Variants in TTC17 observed in about 807,000 individuals in gnomAD.
TTC17 encodes the protein tetratricopeptide repeat protein 17.
Under a neutral mutation model 143.8 loss-of-function variants are expected in TTC17, and 58 were observed. The ratio of observed to expected loss-of-function variants is 0.40; its 90% CI spans 0.33 to 0.50. The LOEUF (loss-of-function observed/expected upper bound fraction) is 0.50, where lower values mean the gene tolerates loss of function less well. Ranked by LOEUF, TTC17 falls within the 20% of genes least tolerant of loss-of-function variation. The probability of loss-of-function intolerance (pLI) is 0.49; values close to 1 mark genes in which losing one functional copy is unlikely to be tolerated. For synonymous variants in TTC17, 501 were observed against 497.8 expected (o/e 1.01, Z -0.09); for missense variants, 1,273 against 1,392.5 (o/e 0.91, Z 1.37).
chr11:43,397,538 T>A, intron 7 of TTC17, 47 bp downstream of exon 7: 6 of 377,078 alleles, frequency 1.6e-5, no homozygotes, highest in African/African-American at 7.4e-5. Context: ...TGCCACTTTC[T>A]TTTTTTTTTT....
intron 2 of TTC17, among the ~76,000 whole-genome samples, chr11:43,389,155 T>C (rs546693574): frequency 1.4e-5 from 2 of 141,138 alleles, no homozygotes; most frequent in African/African-American, 5.2e-5. Context: ...AAAAAAAGGG[T>C]GGAGGGGGGA....
At chr11:43,423,078 A>G (rs1227518858) in intron 16 of TTC17, among the ~76,000 whole-genome samples, 3 of 152,210 alleles carry the variant, frequency 2.0e-5, no homozygotes, top group Non-Finnish European at 2.9e-5. Flanking sequence ...AGGATGATAT[A>G]TAAGTAAAGT....
intron 21 of TTC17, among the ~76,000 whole-genome samples, chr11:43,457,911 A>G (rs1250360865): frequency 6.6e-6 from 1 of 152,158 alleles, no homozygotes; most frequent in East Asian, 1.9e-4. Context: ...GAAATGGGCT[A>G]GAATGTTCCA....
At position 43,396,828 on chromosome 11, in the gene TTC17, C is replaced by T. The variant is rs371186257; in HGVS notation, c.773+10C>T. The T allele has an allele frequency of 5.8e-6, 9 of 1,555,256 alleles. No individual in the cohort carries two copies. The African/African-American group carries it at 1.1e-4, about 19-fold the overall frequency. On this transcript the variant is annotated intron_variant, in intron 6 of 23. Transcript: ENST00000039989. ...TTCACTTCTCTTCCAGGTAAGATTC[C>T]TCCTCTTCTGGACCTGATTTTCCAC... is the stretch of plus-strand genomic sequence containing the variant.
chr11:43,364,047 C>CTTTTTTT (rs71308379), intron 1 of TTC17, among the ~76,000 whole-genome samples: 5 of 94,452 alleles, frequency 5.3e-5, no homozygotes, highest in Non-Finnish European at 8.5e-5. Flanking sequence ...TACAGATCCT[C>CTTTTTTT]TTTTTTTTTT....
intron 16 of TTC17, among the ~76,000 whole-genome samples, chr11:43,415,194 T>C (rs1159747287): frequency 6.6e-6 from 1 of 152,194 alleles, no homozygotes; most frequent in Non-Finnish European, 1.5e-5. Context: ...TTGTCTTTCA[T>C]TGAAGGTGAT....
chr11:43,408,258 C>T (rs1363355494), intron 15 of TTC17, among the ~76,000 whole-genome samples: 5 of 152,106 alleles, frequency 3.3e-5, no homozygotes, highest in African/African-American at 1.2e-4. Flanking sequence ...TTCAAAGAAA[C>T]CTTCAGAAGG....
chr11:43,413,399 TAGG>T (rs1248875086), intron 15 of TTC17, among the ~76,000 whole-genome samples: 1 of 152,046 alleles, frequency 6.6e-6, no homozygotes, highest in Non-Finnish European at 1.5e-5. Context: ...TATGAAGACA[TAGG>T]AGAAAGTCTT....
At chr11:43,412,845 A>G (rs1020840525) in intron 15 of TTC17, among the ~76,000 whole-genome samples, 1 of 152,212 alleles carries the variant, frequency 6.6e-6, no homozygotes, top group East Asian at 1.9e-4. Context: ...GAGAGTCAAT[A>G]TTGTTCAGAT....
chr11:43,360,329 C>T (rs981011283), intron 1 of TTC17, among the ~76,000 whole-genome samples: 4 of 152,170 alleles, frequency 2.6e-5, no homozygotes, highest in African/African-American at 9.7e-5. Flanking sequence ...ACATAAAGAA[C>T]AGTTTCCTTT....
intron 16 of TTC17, 63 bp from the exon 17 acceptor site, chr11:43,443,262 T>TCAC (rs1947462031): frequency 6.4e-7 from 1 of 1,565,662 alleles, no homozygotes; most frequent in African/African-American, 1.4e-5. Flanking sequence ...AGGGTTGGAG[T>TCAC]CACCCAAGGT....
At chr11:43,450,913 CAT>C (rs940552481) in intron 20 of TTC17, among the ~76,000 whole-genome samples, 4 of 152,160 alleles carry the variant, frequency 2.6e-5, no homozygotes, top group African/African-American at 4.8e-5. Context: ...CAAGATTACA[CAT>C]AGTTTATTTC....
At chr11:43,385,408 A>G (rs1857132138) in intron 2 of TTC17, among the ~76,000 whole-genome samples, 3 of 152,178 alleles carry the variant, frequency 2.0e-5, no homozygotes, top group African/African-American at 7.2e-5. Flanking sequence ...TAAAATACAC[A>G]TACCCAGGAA....
At chr11:43,373,846 G>A (rs965579289) in intron 1 of TTC17, among the ~76,000 whole-genome samples, 3 of 152,170 alleles carry the variant, frequency 2.0e-5, no homozygotes, top group Non-Finnish European at 4.4e-5. Flanking sequence ...TCATTTGCTT[G>A]CGTCCCTTCA....
intron 1 of TTC17, among the ~76,000 whole-genome samples, chr11:43,359,510 G>A (rs1856008503): frequency 6.6e-6 from 1 of 152,206 alleles, no homozygotes; most frequent in Non-Finnish European, 1.5e-5. Context: ...AAAGCAGGTG[G>A]CAGCTCCAGG....
At chr11:43,360,404 T>C (rs1856051993) in intron 1 of TTC17, among the ~76,000 whole-genome samples, 1 of 152,226 alleles carries the variant, frequency 6.6e-6, no homozygotes, top group African/African-American at 2.4e-5. Flanking sequence ...AAGAAAACAC[T>C]GTAAGACCAT....
At chr11:43,488,623 TC>T (rs1948419662) in intron 21 of TTC17, among the ~76,000 whole-genome samples, 1 of 152,116 alleles carries the variant, frequency 6.6e-6, no homozygotes, top group South Asian at 2.1e-4. Context: ...AGATTAAATT[TC>T]AAATGGATCA....
intron 11 of TTC17, among the ~76,000 whole-genome samples, chr11:43,405,179 A>G (rs1432777046): frequency 1.3e-5 from 2 of 149,592 alleles, no homozygotes; most frequent in South Asian, 2.1e-4. Flanking sequence ...CATGACAGCC[A>G]GCAGCAACTG....
At chr11:43,374,138 G>T (rs1856674220) in intron 1 of TTC17, among the ~76,000 whole-genome samples, 1 of 152,074 alleles carries the variant, frequency 6.6e-6, no homozygotes, top group African/African-American at 2.4e-5. Context: ...CATACTGAAG[G>T]TAGAAAAAGA....
Sources: allele counts gnomAD v4.1 joint callset (sites outside exome capture counted in the v4.1 genomes callset), GRCh38; gene constraint gnomAD v4.1.1; transcripts MANE v1.5; gene names NCBI Gene and HGNC (gene_info 2026-07-23, HGNC 2026-07-21).